The following SLCO1B3 variants were observed in gnomAD, a reference collection of about 807,000 sequenced individuals.
SLCO1B3 encodes liver-specific organic anion transporter 2.
Under a neutral mutation model 71.8 loss-of-function variants are expected in SLCO1B3, and 72 were observed. The ratio of observed to expected loss-of-function variants is 1.00; its 90% confidence interval spans 0.83 to 1.22. The LOEUF is 1.22. Among genes scored for constraint, SLCO1B3 ranks in the 50% most tolerant of loss-of-function variants. The pLI, the probability that SLCO1B3 is intolerant of heterozygous loss-of-function variation, is 0.00. For synonymous variants in SLCO1B3, 298 were observed against 278.4 expected (o/e 1.07, Z -0.70); for missense variants, 911 against 819.7 (o/e 1.11, Z -1.36).
intron 15 of SLCO1B3, among the ~76,000 whole-genome samples, chr12:20,913,953 G>A (rs1187892786): frequency 6.6e-6 from 1 of 152,026 alleles, no homozygotes; most frequent in Non-Finnish European, 1.5e-5. Context: ...TTGTTTTAGA[G>A]ATGGGCAACT....
chr12:20,839,435 T>A (rs1387268088), intron 3 of SLCO1B3, among the ~76,000 whole-genome samples: 1 of 152,136 alleles, frequency 6.6e-6, no homozygotes, highest in Non-Finnish European at 1.5e-5. Context: ...TTCATAATTT[T>A]AGGTTGTTGT....
chr12:20,852,308 C>A (rs1865041369), intron 3 of SLCO1B3, among the ~76,000 whole-genome samples: 1 of 151,930 alleles, frequency 6.6e-6, no homozygotes, highest in Non-Finnish European at 1.5e-5. Context: ...CAGCAAGATG[C>A]CACATCTTTA....
intron 3 of SLCO1B3, among the ~76,000 whole-genome samples, chr12:20,834,039 ATATAT>A (rs1320118916): frequency 2.1e-5 from 3 of 141,398 alleles, no homozygotes; most frequent in Non-Finnish European, 4.6e-5. Flanking sequence ...ATATGTATTT[ATATAT>A]TATATGTGTG....
At position 20,901,022 on chromosome 12, in the gene SLCO1B3, T is replaced by G. The variant is rs148335573; in HGVS notation, c.1748-328T>G. Among the ~76,000 whole-genome samples the G allele has an allele frequency of 2.4e-4, 36 of 152,268 alleles. No individual in the cohort carries two copies. In the East Asian group the frequency reaches 6.8e-3, roughly 29 times the overall value. On this transcript the variant is annotated intron_variant, in intron 14 of 15. Coordinates refer to ENST00000381545, the MANE Select transcript of SLCO1B3 (RefSeq NM_019844.4). Reference sequence around the variant, plus strand: ...ATATGAACCAACATAACTTTCATGTTTTACTAACAACATTCCCCTTTTTAC... The same window carrying G: ...ATATGAACCAACATAACTTTCATGTGTTACTAACAACATTCCCCTTTTTAC...
chr12:20,870,416 G>A lies in SLCO1B3; in HGVS notation c.728-4819G>A, dbSNP rs1432603275. On this transcript the variant is annotated intron_variant, in intron 8 of 15. Transcript: ENST00000381545. ...CCATGAAATTATTGTCAAGACAAAT[G>A]TAATGAAATTCTTTCTCTAAGTTTT... 3.9e-5 allele frequency among the ~76,000 whole-genome samples: 6 copies of A among 152,216 alleles called. No individual in the cohort carries two copies. In the East Asian group the frequency reaches 5.8e-4, roughly 15 times the overall value.
chr12:20,848,980 C>T (rs571960688), intron 3 of SLCO1B3, among the ~76,000 whole-genome samples: 2 of 152,126 alleles, frequency 1.3e-5, no homozygotes, highest in East Asian at 1.9e-4. Context: ...TGTAATAATG[C>T]ATCCAAATTG....
At position 20,858,551 on chromosome 12, in the gene SLCO1B3, A is replaced by T; in HGVS notation, c.339A>T (p.Leu113Phe). Residue 113 changes from leucine (L) to phenylalanine (F), a missense_variant, in exon 5 of 16, where the codon TTA (leucine) becomes TTT (phenylalanine). Transcript: ENST00000381545. Reference sequence around the variant, plus strand: ...GAACTGGAAGTATTTTGACATCTTTACCACATTTCTTCATGGGATAGTAAG... The same window carrying T: ...GAACTGGAAGTATTTTGACATCTTTTCCACATTTCTTCATGGGATAGTAAG... ...LMGTGSILTS[L>F]PHFFMGYYRY... 2 of 1,606,802 alleles carry T rather than the reference A, an allele frequency of 1.2e-6. No individual in the cohort carries two copies. Among genetic ancestry groups the T allele is most frequent in the Non-Finnish European group, 1.7e-6 (2 of 1,173,632 alleles).
intron 13 of SLCO1B3, among the ~76,000 whole-genome samples, chr12:20,884,560 G>T (rs1565602033): frequency 6.6e-6 from 1 of 152,074 alleles, no homozygotes. Flanking sequence ...TATGGCAGAT[G>T]ATGTTTGGAG....
chr12:20,877,734 T>A (rs778856663), intron 9 of SLCO1B3, 38 bp from the exon 10 acceptor site: 14 of 906,510 alleles, frequency 1.5e-5, no homozygotes, highest in Non-Finnish European at 2.1e-5. Context: ...TTAATATATA[T>A]TTTATTATTG....
chr12:20,821,163 A>T (rs1043242424), intron 3 of SLCO1B3, among the ~76,000 whole-genome samples: 2 of 151,994 alleles, frequency 1.3e-5, no homozygotes, highest in Admixed American at 6.6e-5. Context: ...ATTTGGGATG[A>T]ATTGCATTGG....
intron 3 of SLCO1B3, among the ~76,000 whole-genome samples, chr12:20,830,943 A>T (rs1864526331): frequency 6.6e-6 from 1 of 152,238 alleles, no homozygotes; most frequent in Non-Finnish European, 1.5e-5. Context: ...TGTGCATAGC[A>T]AAGTGACAAC....
chr12:20,815,679 C>A lies in SLCO1B3; in HGVS notation c.-60C>A. On this transcript the variant is annotated 5_prime_UTR_variant, in exon 3 of 16. Transcript: ENST00000381545. Reference sequence around the variant, plus strand: ...TACTTTTTCTTTTTTAACAGGTGATCATTTCAAACCAAGCATCAGCAACAA... The same window carrying A: ...TACTTTTTCTTTTTTAACAGGTGATAATTTCAAACCAAGCATCAGCAACAA... The A allele has an allele frequency of 1.8e-6, 2 of 1,096,042 alleles. No homozygotes were observed. The highest frequency in any genetic ancestry group is 2.7e-6 in the Non-Finnish European group (2 of 730,856). The allele number at this position is 1,096,042 out of a possible 1,614,324, so 67.9% of individuals were successfully genotyped here. A position where few individuals can be genotyped will look rare whatever the true frequency, so the allele number is the denominator to read the frequency against.
In SLCO1B3 at chr12:20,896,303, A is replaced by C. The variant is rs148896165; in HGVS notation, c.1683-2133A>C. Among the ~76,000 whole-genome samples, 630 of 152,284 alleles carry C rather than the reference A, an allele frequency of 4.1e-3. 5 individuals carry two copies. The highest frequency in any genetic ancestry group is 0.015 in the African/African-American group (608 of 41,560). Reference sequence around the variant, plus strand: ...TTTCTATCACATTGTCAGACTGCAAATGTTCCAAACTTTTATGCTCTGCTT... The same window carrying C: ...TTTCTATCACATTGTCAGACTGCAACTGTTCCAAACTTTTATGCTCTGCTT... On this transcript the variant is annotated intron_variant, in intron 13 of 15. Transcript: ENST00000381545.
chr12:20,912,730 G>C (rs868696857), intron 15 of SLCO1B3, among the ~76,000 whole-genome samples: 29 of 151,236 alleles, frequency 1.9e-4, no homozygotes, highest in African/African-American at 6.3e-4. Context: ...CACCATGTTG[G>C]CCAGGATGGT....
chr12:20,843,703 C>A (rs1864848271), intron 3 of SLCO1B3, among the ~76,000 whole-genome samples: 1 of 151,918 alleles, frequency 6.6e-6, no homozygotes, highest in Admixed American at 6.6e-5. Flanking sequence ...ATGGCATGAA[C>A]CCTGGAGGCG....
chr12:20,905,119 C>T (rs1273298625), intron 15 of SLCO1B3, among the ~76,000 whole-genome samples: 2 of 152,110 alleles, frequency 1.3e-5, no homozygotes, highest in African/African-American at 2.4e-5. Context: ...AAGTCATGGC[C>T]CAAGCTGTAC....
At chr12:20,835,221 A>AT (rs1292897836) in intron 3 of SLCO1B3, among the ~76,000 whole-genome samples, 2 of 151,908 alleles carry the variant, frequency 1.3e-5, no homozygotes, top group Admixed American at 6.6e-5. Context: ...TCAGGAAACC[A>AT]TTTTTCCCTT....
intron 2 of SLCO1B3, among the ~76,000 whole-genome samples, chr12:20,813,963 C>T (rs1020398912): frequency 4.6e-5 from 7 of 152,046 alleles, no homozygotes; most frequent in East Asian, 1.9e-4. Flanking sequence ...TATTACAAAT[C>T]GGATGCTTAT....
chr12:20,867,056 T>C (rs1300305194), intron 8 of SLCO1B3, among the ~76,000 whole-genome samples: 1 of 152,156 alleles, frequency 6.6e-6, no homozygotes, highest in Non-Finnish European at 1.5e-5. Flanking sequence ...GTCCTTTTGA[T>C]AATTGGCAAT....
Sources: gnomAD v4.1 joint callset for allele counts (sites outside exome capture counted in the v4.1 genomes callset) on GRCh38, gnomAD v4.1.1 for gene constraint, MANE v1.5 for transcripts, NCBI Gene and HGNC (gene_info 2026-07-23, HGNC 2026-07-21) for gene names.